ARHGEF6: variants seen among roughly 807,000 people sequenced by gnomAD.
ARHGEF6 encodes the protein Rac/Cdc42 guanine nucleotide exchange factor 6.
ARHGEF6 carries 9 observed loss-of-function variants against 70.3 expected under a neutral mutation model. The ratio of observed to expected loss-of-function variants is 0.13; its 90% CI spans 0.08 to 0.22. The LOEUF (loss-of-function observed/expected upper bound fraction) is 0.22, where lower values mean the gene tolerates loss of function less well. ARHGEF6 is among the 10% of genes least tolerant of loss of function. The probability of loss-of-function intolerance (pLI) is 1.00; values close to 1 mark genes in which losing one functional copy is unlikely to be tolerated. For synonymous variants in ARHGEF6, 201 were observed against 207.8 expected (o/e 0.97, Z 0.28); for missense variants, 470 against 563.0 (o/e 0.83, Z 1.67).
chrX:136,720,889 T>G (rs1206231880), intron 6 of ARHGEF6, among the ~76,000 whole-genome samples: 1 of 111,862 alleles, frequency 8.9e-6, no homozygotes, highest in Non-Finnish European at 1.9e-5. Flanking sequence ...AAAATAATAT[T>G]TAGATTAGCA....
intron 9 of ARHGEF6, among the ~76,000 whole-genome samples, chrX:136,701,853 G>A (rs5975777): frequency 0.056 from 5,991 of 107,425 alleles, 455 homozygotes; most frequent in African/African-American, 0.19. Context: ...GACTACAGGC[G>A]CCCACCACCA....
At position 136,685,692 on chromosome X, in the gene ARHGEF6, C is replaced by A; in HGVS notation, c.1377G>T (p.Gln459His). The A allele has an allele frequency of 8.3e-7, 1 of 1,208,382 alleles. No homozygotes were observed. The highest frequency in any genetic ancestry group is 1.8e-5 in the South Asian group (1 of 56,888). The change falls in exon 12 of 22, where the codon CAG becomes CAT. Residue 459 changes from glutamine (Q) to histidine (H), a missense_variant. This residue lies in a region of ARHGEF6 where 379 missense variants were observed against 449.3 expected (regional missense o/e 0.84). Transcript: ENST00000250617. Reference sequence around the variant, plus strand: ...AATACCTTACCTCACATGCTCCATACTGCACCATTACTTGTGACATAAAAA... The same window carrying A: ...AATACCTTACCTCACATGCTCCATAATGCACCATTACTTGTGACATAAAAA... Reference protein sequence around the residue: ...NVIFMSQVMVQYGACEEKEER... With the variant: ...NVIFMSQVMVHYGACEEKEER...
intron 2 of ARHGEF6, among the ~76,000 whole-genome samples, chrX:136,777,093 C>T (rs1485079698): frequency 1.8e-5 from 2 of 110,239 alleles, no homozygotes; most frequent in Non-Finnish European, 1.9e-5. Flanking sequence ...GGCATGGTGG[C>T]GGGCGCCTGT....
rs560522809 is a variant in ARHGEF6 at position 136,744,227 on chromosome X, T to G, written c.460-441A>C. The stretch of plus-strand genomic sequence containing the variant: ...TAAAATCTGCCTCCCATCTCCTAAT[T>G]ACTAAGGATATCTTAATTTGGCTAA... On this transcript the variant is annotated intron_variant, in intron 4 of 21. Coordinates refer to ENST00000250617, the MANE Select transcript of ARHGEF6 (RefSeq NM_004840.3). Among the ~76,000 whole-genome samples, 62 of 112,119 alleles carry G rather than the reference T, an allele frequency of 5.5e-4. No homozygotes were observed. The South Asian group carries it at 0.022, about 40-fold the overall frequency.
At chrX:136,742,137 G>C (rs1050745790) in intron 5 of ARHGEF6, among the ~76,000 whole-genome samples, 42 of 111,208 alleles carry the variant, frequency 3.8e-4, no homozygotes, top group African/African-American at 1.3e-3. Context: ...TGGCTAACAC[G>C]GTGAAACCCC....
intron 10 of ARHGEF6, among the ~76,000 whole-genome samples, 162 bp downstream of exon 10, chrX:136,690,448 G>C (rs781030547): frequency 9.0e-6 from 1 of 110,605 alleles, no homozygotes; most frequent in East Asian, 2.8e-4. Context: ...TGCATAAAAA[G>C]GAAAACTAGA....
intron 15 of ARHGEF6, among the ~76,000 whole-genome samples, chrX:136,679,937 A>T (rs754625714): frequency 8.9e-6 from 1 of 112,203 alleles, no homozygotes; most frequent in Non-Finnish European, 1.9e-5. Flanking sequence ...CTCTGTAAGG[A>T]AGGAAAATGG....
chrX:136,745,449 C>T (rs1431538689), intron 3 of ARHGEF6, 102 bp from the exon 4 acceptor site: 2 of 1,006,204 alleles, frequency 2.0e-6, no homozygotes, highest in Non-Finnish European at 2.8e-6. Flanking sequence ...GGCATCCTGG[C>T]TGTAATTCTA....
chrX:136,686,601 T>TATATATATATATACAC (rs2076392094), intron 11 of ARHGEF6, among the ~76,000 whole-genome samples: 1 of 74,509 alleles, frequency 1.3e-5, no homozygotes, highest in African/African-American at 7.0e-5. Flanking sequence ...TGTGTATATA[T>TATATATATATATACAC]ATATATATAT....
intron 15 of ARHGEF6, among the ~76,000 whole-genome samples, chrX:136,680,092 A>C (rs749182074): frequency 1.8e-5 from 2 of 112,456 alleles, no homozygotes; most frequent in South Asian, 7.4e-4. Flanking sequence ...ATTTGAACCC[A>C]GATCTGAAGC....
intron 2 of ARHGEF6, among the ~76,000 whole-genome samples, chrX:136,752,612 T>C (rs1256354729): frequency 8.9e-6 from 1 of 112,078 alleles, no homozygotes; most frequent in Non-Finnish European, 1.9e-5. Context: ...TTTAATGTCA[T>C]GTGGTTTCAG....
chrX:136,712,479 T>C (rs918306330), intron 7 of ARHGEF6, among the ~76,000 whole-genome samples: 2 of 112,453 alleles, frequency 1.8e-5, no homozygotes, highest in Non-Finnish European at 3.8e-5. Context: ...TGTTTAGCAA[T>C]AGTAAACTCT....
At chrX:136,707,846 T>C (rs1339111343) in intron 8 of ARHGEF6, among the ~76,000 whole-genome samples, 1 of 111,925 alleles carries the variant, frequency 8.9e-6, no homozygotes, top group Non-Finnish European at 1.9e-5. Context: ...TTCTTTAAGA[T>C]ACGCTGCTTG....
At chrX:136,725,527 C>T (rs1011197350) in intron 6 of ARHGEF6, among the ~76,000 whole-genome samples, 2 of 111,119 alleles carry the variant, frequency 1.8e-5, no homozygotes, top group African/African-American at 6.6e-5. Context: ...AACTGATGAA[C>T]TTCTGAGACT....
intron 2 of ARHGEF6, chrX:136,767,097 C>T (rs2077322729): frequency 2.7e-6 from 2 of 752,808 alleles, no homozygotes; most frequent in Admixed American, 8.6e-5. Flanking sequence ...CCCCCGGGCC[C>T]TCGCGCGCTC....
chrX:136,718,204 G>T (rs2076757285), intron 6 of ARHGEF6, among the ~76,000 whole-genome samples: 1 of 111,476 alleles, frequency 9.0e-6, no homozygotes, highest in Non-Finnish European at 1.9e-5. Flanking sequence ...TCAAAAGAAA[G>T]CTGGAGTGGC....
chrX:136,720,394 G>C (rs967374257), intron 6 of ARHGEF6, among the ~76,000 whole-genome samples: 4 of 110,317 alleles, frequency 3.6e-5, no homozygotes, highest in African/African-American at 1.3e-4. Flanking sequence ...TCACATGATC[G>C]TATCAACAGA....
At chrX:136,775,866 A>G (rs1299249103) in intron 2 of ARHGEF6, among the ~76,000 whole-genome samples, 1 of 112,042 alleles carries the variant, frequency 8.9e-6, no homozygotes, top group Non-Finnish European at 1.9e-5. Flanking sequence ...TACAAAATCA[A>G]TATGTCAGTA....
intron 9 of ARHGEF6, among the ~76,000 whole-genome samples, chrX:136,700,078 T>C (rs1488113846): frequency 1.8e-5 from 2 of 111,126 alleles, no homozygotes; most frequent in Non-Finnish European, 3.8e-5. Flanking sequence ...TCAGGTCTAC[T>C]AAAAAATTGA....
Sources: allele counts gnomAD v4.1 joint callset (sites outside exome capture counted in the v4.1 genomes callset), GRCh38; gene constraint gnomAD v4.1.1; regional missense constraint gnomAD v4.1.1; transcripts MANE v1.5; gene names NCBI Gene and HGNC (gene_info 2026-07-23, HGNC 2026-07-21).